Variants in ESCO2 observed in about 807,000 individuals in gnomAD.
ESCO2 encodes the protein establishment of sister chromatid cohesion N-acetyltransferase 2.
In ESCO2, 51 loss-of-function variants were observed where a neutral mutation model predicts 61.7. The observed-to-expected ratio is 0.83, with a 90% confidence interval of 0.66 to 1.04. ESCO2 has a LOEUF of 1.04. ESCO2 is among the 50% of genes least tolerant of loss of function. The pLI, the probability that ESCO2 is intolerant of heterozygous loss-of-function variation, is 0.00. For missense variants in ESCO2, 692 were observed against 686.2 expected (o/e 1.01, Z -0.09); for synonymous variants, 230 against 238.2 (o/e 0.97, Z 0.32).
At chr8:27,786,187 A>G (rs180705328) in intron 5 of ESCO2, among the ~76,000 whole-genome samples, 1 of 152,336 alleles carries the variant, frequency 6.6e-6, no homozygotes, top group Non-Finnish European at 1.5e-5. Flanking sequence ...GACAGTTACT[A>G]TGGGACTGAA....
chr8:27,788,119 G>A, intron 6 of ESCO2, 117 bp downstream of exon 6: 1 of 726,858 alleles, frequency 1.4e-6, no homozygotes, highest in South Asian at 1.5e-5. Context: ...AATGTTTTAT[G>A]TGACAGAATG....
At chr8:27,772,630 C>T (rs921118235), upstream of ESCO2, 87 of 1,325,974 alleles carry the variant, frequency 6.6e-5, no homozygotes, top group Non-Finnish European at 8.5e-5. Context: ...GGCCGCCTGG[C>T]CCCCGGAACT....
intron 10 of ESCO2, among the ~76,000 whole-genome samples, chr8:27,800,653 G>A (rs1805403148): frequency 6.6e-6 from 1 of 152,044 alleles, no homozygotes; most frequent in Non-Finnish European, 1.5e-5. Context: ...GCACATGAAG[G>A]TTCATAGCAG....
In ESCO2 at chr8:27,799,651, T is replaced by C. The variant is rs767568754; in HGVS notation, c.1608T>C (p.Ser536=). 1.9e-5 allele frequency: 31 copies of C among 1,613,740 alleles called. No individual in the cohort carries two copies. The African/African-American group carries it at 3.7e-4, about 19-fold the overall frequency. The change falls in exon 10 of 11, where the codon AGT becomes AGC. Residue 536 remains serine, a synonymous_variant. Transcript: ENST00000305188. ...CAGAACCTGCAGTCTGTGGGATAAG[T>C]AGAATCTGGGTTTTCAGACTGAAGA... ...DVPEPAVCGI[S]RIWVFRLKRR...
In ESCO2 at chr8:27,780,159, T is replaced by A. The variant is rs780447242; in HGVS notation, c.862-15T>A. The A allele has an allele frequency of 6.6e-6, 10 of 1,505,928 alleles. No homozygotes were observed. Among genetic ancestry groups the A allele is most frequent in the South Asian group, 3.5e-5 (3 of 86,624 alleles). 93.3% of individuals were successfully genotyped at this position (1,505,928 alleles called of 1,614,324 possible). A position where few individuals can be genotyped will look rare whatever the true frequency, so the allele number is the denominator to read the frequency against. On this transcript the variant is annotated splice_polypyrimidine_tract_variant and intron_variant, in intron 3 of 10. Transcript: ENST00000305188. ...AATTACAGATGTTTGGTTTTTTTTT[T>A]AAACCTATTTTCAGGATTCATCAGA... is the stretch of plus-strand genomic sequence containing the variant.
chr8:27,810,355 C>CT, downstream of ESCO2: 1 of 1,612,954 alleles, frequency 6.2e-7, no homozygotes, highest in South Asian at 1.1e-5. Flanking sequence ...GAAGGACGAT[C>CT]TTTAGGGTCT....
At chr8:27,782,679 C>G (rs71519652) in intron 4 of ESCO2, among the ~76,000 whole-genome samples, 1 of 150,352 alleles carries the variant, frequency 6.7e-6, no homozygotes, top group Non-Finnish European at 1.5e-5. Context: ...TCAATTTTTT[C>G]CCTTTGTAGA....
chr8:27,789,283 G>A lies in ESCO2; in HGVS notation c.1263+305G>A, dbSNP rs1324507033. On this transcript the variant is annotated intron_variant, in intron 7 of 10. Coordinates refer to ENST00000305188, the MANE Select transcript of ESCO2 (RefSeq NM_001017420.3). ...CTCCAGGTTTTTTCTGAGAGGAGAG[G>A]TCCCACCCATTTATTAAACACCTTT... Among the ~76,000 whole-genome samples the A allele has an allele frequency of 3.3e-5, 5 of 152,072 alleles. 1 individual carries two copies. Among genetic ancestry groups the A allele is most frequent in the Admixed American group, 1.3e-4 (2 of 15,268 alleles).
downstream of ESCO2, chr8:27,812,643 A>C (rs1209701362): frequency 6.9e-6 from 1 of 144,266 alleles, no homozygotes; most frequent in East Asian, 1.9e-4. Context: ...AAAAAAAAAC[A>C]TCAAAAAGTG....
rs1377269292 is a variant in ESCO2, at chr8:27,777,144, G to A, written c.836G>A (p.Ser279Asn). Residue 279 changes from serine to asparagine, a missense_variant, in exon 3 of 11, where the codon AGT (serine) becomes AAT (asparagine). Coordinates refer to ENST00000305188, the MANE Select transcript of ESCO2 (RefSeq NM_001017420.3). ...AAAATTGGACTACTGAGTGCAAGCA[G>A]TAAAAATAAAGAGAAATTAATAAAG... ...KLKIGLLSAS[S>N]KNKEKLIKDS... 6.3e-7 allele frequency: 1 copy of A among 1,599,584 alleles called. No homozygotes were observed.
chr8:27,805,894 A>G (rs1805553814), downstream of ESCO2, among the ~76,000 whole-genome samples: 1 of 151,972 alleles, frequency 6.6e-6, no homozygotes, highest in South Asian at 2.1e-4. Context: ...CAGCCTCCCA[A>G]AGTGCTGGAT....
Position 27,804,230 on chromosome 8 carries a change from G to A in ESCO2, c.*792G>A, listed in dbSNP as rs530523680. 3.0e-6 allele frequency: 3 copies of A among 984,938 alleles called. No individual in the cohort carries two copies. The highest frequency in any genetic ancestry group is 4.7e-5 in the South Asian group (1 of 21,274). The allele number at this position is 984,938 out of a possible 1,614,324, so 61.0% of individuals were successfully genotyped here. On this transcript the variant is annotated 3_prime_UTR_variant, in exon 11 of 11. Transcript: ENST00000305188. ...GAAAATAAATGTTTACCTGTCATCA[G>A]ATTTAATTAAAATTATACTTAGTAA...
chr8:27,804,857 C>A lies in ESCO2; in HGVS notation c.*1419C>A. 1.4e-6 allele frequency: 1 copy of A among 730,544 alleles called. No individual in the cohort carries two copies. Among genetic ancestry groups the A allele is most frequent in the Non-Finnish European group, 1.7e-6 (1 of 597,302 alleles). The allele number at this position is 730,544 out of a possible 1,614,324, so 45.3% of individuals were successfully genotyped here. On this transcript the variant is annotated 3_prime_UTR_variant, in exon 11 of 11. Coordinates refer to ENST00000305188, the MANE Select transcript of ESCO2 (RefSeq NM_001017420.3). ...AAATTTTTAATTAACATTTTGTTTGCTTAATGCTTTTGTTATGAATCAATT... is the reference window on the plus strand; with the variant it reads ...AAATTTTTAATTAACATTTTGTTTGATTAATGCTTTTGTTATGAATCAATT...
chr8:27,788,609 T>C lies in ESCO2; in HGVS notation c.1132-238T>C, dbSNP rs565297648. On this transcript the variant is annotated intron_variant, in intron 6 of 10. Coordinates refer to ENST00000305188, the MANE Select transcript of ESCO2 (RefSeq NM_001017420.3). Reference sequence around the variant, plus strand: ...CCTTGGCTCAAGTGATCCACCCACCTCAGCCTCCCAAAGTGCCGAGATTAC... The same window carrying C: ...CCTTGGCTCAAGTGATCCACCCACCCCAGCCTCCCAAAGTGCCGAGATTAC... Among the ~76,000 whole-genome samples, 3 of 152,160 alleles carry C rather than the reference T, an allele frequency of 2.0e-5. No homozygotes were observed. In the South Asian group the frequency reaches 6.2e-4, roughly 32 times the overall value.
chr8:27,818,570 GC>G, the ESCO2 span, among the ~76,000 whole-genome samples: 1 of 151,914 alleles, frequency 6.6e-6, no homozygotes, highest in South Asian at 2.1e-4. Flanking sequence ...TTTCCTAATT[GC>G]CATTTTTTTC....
chr8:27,778,318 ATGTT>A (rs1405788188), intron 3 of ESCO2: 2 of 152,096 alleles, frequency 1.3e-5, no homozygotes, highest in Admixed American at 6.5e-5. Flanking sequence ...CTCACTGTAA[ATGTT>A]TGTTTTTTTT....
intron 9 of ESCO2, 148 bp from the exon 10 acceptor site, chr8:27,799,393 G>C (rs1205322055): frequency 4.7e-6 from 4 of 857,630 alleles, no homozygotes; most frequent in Non-Finnish European, 7.5e-6. Context: ...TGTGACTAAA[G>C]GGATAAGAAT....
chr8:27,796,528 T>TAAAAAAA (rs1805301504), intron 9 of ESCO2, among the ~76,000 whole-genome samples: 1 of 152,208 alleles, frequency 6.6e-6, no homozygotes, highest in Non-Finnish European at 1.5e-5. Context: ...TCTTTTTTTA[T>TAAAAAAA]GTAGAACTGC....
intron 3 of ESCO2, 68 bp from the exon 4 acceptor site, chr8:27,780,105 TG>T (rs1444230738): frequency 1.1e-6 from 1 of 870,864 alleles, no homozygotes; most frequent in Non-Finnish European, 1.9e-6. Context: ...ATAGATCTGC[TG>T]GGATTCATTC....
Sources: allele counts gnomAD v4.1 joint callset (sites outside exome capture counted in the v4.1 genomes callset), GRCh38; gene constraint gnomAD v4.1.1; transcripts MANE v1.5; gene names NCBI Gene and HGNC (gene_info 2026-07-23, HGNC 2026-07-21).